DLG2: variants seen among roughly 807,000 people sequenced by gnomAD.
DLG2 encodes disks large homolog 2.
DLG2 carries 45 observed loss-of-function variants against 132.5 expected under a neutral mutation model. The observed-to-expected ratio is 0.34, with a 90% CI of 0.27 to 0.44. The LOEUF (loss-of-function observed/expected upper bound fraction) is 0.44, where lower values mean the gene tolerates loss of function less well. Among genes scored for constraint, DLG2 ranks in the 20% least tolerant of loss-of-function variants. DLG2 has a pLI of 1.00. For synonymous variants in DLG2, 424 were observed against 419.6 expected, an observed-to-expected ratio of 1.01 and a Z score of -0.13; for missense variants, 1,045 against 1,196.9, an observed-to-expected ratio of 0.87 and a Z score of 1.87.
chr11:85,322,503 A>T (rs1374055041), intron 3 of DLG2, among the ~76,000 whole-genome samples: 1 of 152,146 alleles, frequency 6.6e-6, no homozygotes, highest in Non-Finnish European at 1.5e-5. Context: ...ATTAGTGACT[A>T]ATATCAGCTG....
chr11:84,333,942 G>C (rs184722151), intron 7 of DLG2, among the ~76,000 whole-genome samples: 1 of 152,208 alleles, frequency 6.6e-6, no homozygotes, highest in Non-Finnish European at 1.5e-5. Flanking sequence ...GAAGACGTGA[G>C]TGTCATGTGT....
chr11:83,751,097 A>G (rs888692994), intron 18 of DLG2, among the ~76,000 whole-genome samples: 1 of 152,230 alleles, frequency 6.6e-6, no homozygotes, highest in Non-Finnish European at 1.5e-5. Flanking sequence ...GAAGTGGGAT[A>G]TAAAGTATAT....
chr11:84,788,728 T>C (rs2073349094), intron 6 of DLG2, among the ~76,000 whole-genome samples: 1 of 152,198 alleles, frequency 6.6e-6, no homozygotes, highest in African/African-American at 2.4e-5. Context: ...GGGAAGATTG[T>C]CATTATTTCG....
chr11:85,326,256 C>T lies in DLG2; in HGVS notation c.41-40891G>A, dbSNP rs1384144336. Among the ~76,000 whole-genome samples, 9 of 142,494 alleles carry T rather than the reference C, an allele frequency of 6.3e-5. No homozygotes were observed. In the East Asian group the frequency reaches 1.1e-3, roughly 17 times the overall value. The allele number at this position is 142,494 out of a possible 152,430, so 93.5% of individuals were successfully genotyped here. A position where few individuals can be genotyped will look rare whatever the true frequency, so the allele number is the denominator to read the frequency against. On this transcript the variant is annotated intron_variant, in intron 3 of 27. Transcript: ENST00000376104. ...AGCAAGGCAGGCCAACGTTCAGATT[C>T]GGGAAATACAGAGAACGCCACAAAG...
chr11:84,399,796 G>A (rs1213618461), intron 7 of DLG2, among the ~76,000 whole-genome samples: 1 of 152,116 alleles, frequency 6.6e-6, no homozygotes, highest in Non-Finnish European at 1.5e-5. Flanking sequence ...TTTGTTTTTT[G>A]GTTCTACAAA....
intron 24 of DLG2, among the ~76,000 whole-genome samples, chr11:83,470,169 T>C (rs978493384): frequency 1.2e-4 from 11 of 94,536 alleles, no homozygotes; most frequent in African/African-American, 2.9e-4. Context: ...ACAATTACGA[T>C]GATATTTTTG....
chr11:85,252,242 G>A (rs140226227), intron 4 of DLG2, among the ~76,000 whole-genome samples: 72 of 152,294 alleles, frequency 4.7e-4, no homozygotes, highest in African/African-American at 1.5e-3. Context: ...AATCAACGGC[G>A]TAAGATAGAA....
At chr11:84,635,468 A>G (rs186093677) in intron 6 of DLG2, among the ~76,000 whole-genome samples, 1 of 152,306 alleles carries the variant, frequency 6.6e-6, no homozygotes, top group East Asian at 1.9e-4. Flanking sequence ...AACTTTGAGC[A>G]TCTTCCTTGT....
chr11:84,243,538 GAGC>G (rs1336307646), intron 8 of DLG2, among the ~76,000 whole-genome samples: 3 of 152,168 alleles, frequency 2.0e-5, no homozygotes, highest in Non-Finnish European at 4.4e-5. Flanking sequence ...GTTTCTTATT[GAGC>G]AGTGTTTCTC....
At chr11:83,665,766 T>C (rs190710926) in intron 18 of DLG2, among the ~76,000 whole-genome samples, 30 of 152,284 alleles carry the variant, frequency 2.0e-4, no homozygotes, top group East Asian at 9.6e-4. Flanking sequence ...ATGAATAATT[T>C]CTACTACCAC....
chr11:84,964,646 A>C (rs2053071025), intron 6 of DLG2, among the ~76,000 whole-genome samples: 1 of 152,152 alleles, frequency 6.6e-6, no homozygotes, highest in Non-Finnish European at 1.5e-5. Flanking sequence ...CATTAAATGA[A>C]TATTAAATGT....
At chr11:83,922,149 C>T (rs2078065532) in intron 15 of DLG2, among the ~76,000 whole-genome samples, 1 of 152,022 alleles carries the variant, frequency 6.6e-6, no homozygotes, top group Non-Finnish European at 1.5e-5. Flanking sequence ...TATCTTCCCG[C>T]TAGTATCAAA....
chr11:84,031,415 A>C (rs2095687859), intron 11 of DLG2, among the ~76,000 whole-genome samples: 1 of 152,130 alleles, frequency 6.6e-6, no homozygotes, highest in Non-Finnish European at 1.5e-5. Flanking sequence ...AACTTATGAG[A>C]CTATTAGACT....
intron 20 of DLG2, among the ~76,000 whole-genome samples, chr11:83,536,052 G>C (rs140161011): frequency 6.8e-4 from 104 of 152,252 alleles, no homozygotes; most frequent in African/African-American, 2.4e-3. Context: ...CTCAACAAAC[G>C]TGAGATTTTT....
At position 84,627,489 on chromosome 11, in the gene DLG2, T is replaced by C. The variant is rs147101622; in HGVS notation, c.358-92758A>G. Reference sequence around the variant, plus strand: ...TTCTGTTACTATAAACGAACAAATTTTGTAGCATTCTCCCCCAGAGTACTG... The same window carrying C: ...TTCTGTTACTATAAACGAACAAATTCTGTAGCATTCTCCCCCAGAGTACTG... On this transcript the variant is annotated intron_variant, in intron 6 of 27. Transcript: ENST00000376104. Among the ~76,000 whole-genome samples, 263 of 152,336 alleles carry C rather than the reference T, an allele frequency of 1.7e-3. 2 individuals are homozygous for C. The highest frequency in any genetic ancestry group is 6.1e-3 in the African/African-American group (254 of 41,582).
intron 7 of DLG2, among the ~76,000 whole-genome samples, chr11:84,360,086 T>C (rs966589436): frequency 1.9e-4 from 29 of 151,974 alleles, no homozygotes; most frequent in African/African-American, 6.7e-4. Flanking sequence ...ATGCAATCAA[T>C]CGTGCAGGTG....
intron 11 of DLG2, among the ~76,000 whole-genome samples, chr11:84,034,649 C>T (rs2095811511): frequency 6.6e-6 from 1 of 152,096 alleles, no homozygotes. Flanking sequence ...CATCTAAAGG[C>T]TGAAATGCAG....
chr11:84,154,768 G>A (rs867402925), intron 9 of DLG2, among the ~76,000 whole-genome samples: 6 of 151,960 alleles, frequency 3.9e-5, no homozygotes, highest in African/African-American at 9.7e-5. Flanking sequence ...TTGTCCCTGC[G>A]ATAGTTTACT....
intron 3 of DLG2, among the ~76,000 whole-genome samples, chr11:85,402,490 T>C (rs1467090723): frequency 6.6e-6 from 1 of 151,834 alleles, no homozygotes; most frequent in Non-Finnish European, 1.5e-5. Context: ...ACTAGACAAA[T>C]GGGATCTAAT....
Sources: gnomAD v4.1 joint callset for allele counts (sites outside exome capture counted in the v4.1 genomes callset) on GRCh38, gnomAD v4.1.1 for gene constraint, MANE v1.5 for transcripts, NCBI Gene and HGNC (gene_info 2026-07-23, HGNC 2026-07-21) for gene names.